Variants in GRID2 observed in about 807,000 individuals in gnomAD.
GRID2 encodes glutamate ionotropic receptor delta type subunit 2, also known as glutamate receptor ionotropic, delta-2.
Under a neutral mutation model 114.8 loss-of-function variants are expected in GRID2, and 33 were observed. The ratio of observed to expected loss-of-function variants is 0.29; its 90% CI spans 0.22 to 0.38. The LOEUF is 0.38. Among genes scored for constraint, GRID2 ranks in the 10% least tolerant of loss-of-function variants. GRID2 has a pLI of 1.00. For missense variants in GRID2, 1,184 were observed against 1,257.7 expected, an observed-to-expected ratio of 0.94 and a Z score of 0.89; for synonymous variants, 505 against 449.9, an observed-to-expected ratio of 1.12 and a Z score of -1.55.
chr4:92,621,589 A>T (rs565259712), intron 2 of GRID2, among the ~76,000 whole-genome samples: 31 of 151,770 alleles, frequency 2.0e-4, no homozygotes, highest in Non-Finnish European at 3.2e-4. Context: ...TGACCCCAAG[A>T]GTTCAAGGAT....
intron 1 of GRID2, among the ~76,000 whole-genome samples, chr4:92,433,951 G>A (rs1732602370): frequency 6.6e-6 from 1 of 152,118 alleles, no homozygotes; most frequent in South Asian, 2.1e-4. Context: ...CTAGAATGAG[G>A]CCAATAATGC....
rs191534691 is a variant in GRID2, at chr4:92,955,998, C to T, written c.245-128997C>T. ...CCTCACAAAGTGCTGGGATCACAGGCATGAGCCACTGCGCCTGGACTTTCT... is the reference window on the plus strand; with the variant it reads ...CCTCACAAAGTGCTGGGATCACAGGTATGAGCCACTGCGCCTGGACTTTCT... On this transcript the variant is annotated intron_variant, in intron 2 of 15. Coordinates refer to ENST00000282020, the MANE Select transcript of GRID2 (RefSeq NM_001510.4). Among the ~76,000 whole-genome samples the T allele has an allele frequency of 3.9e-5, 6 of 152,254 alleles. No homozygotes were observed. In the East Asian group the frequency reaches 1.2e-3, roughly 29 times the overall value.
intron 2 of GRID2, among the ~76,000 whole-genome samples, chr4:92,637,782 A>G (rs1731144171): frequency 6.6e-6 from 1 of 151,998 alleles, no homozygotes; most frequent in Non-Finnish European, 1.5e-5. Flanking sequence ...AGTAGAAAGA[A>G]TTGTATAATG....
intron 8 of GRID2, among the ~76,000 whole-genome samples, chr4:93,326,322 T>A (rs1757832641): frequency 6.6e-6 from 1 of 152,148 alleles, no homozygotes; most frequent in Non-Finnish European, 1.5e-5. Context: ...AGATACCTTA[T>A]CCTCAAGAAG....
chr4:93,049,191 A>C (rs1726449543), intron 2 of GRID2, among the ~76,000 whole-genome samples: 1 of 152,092 alleles, frequency 6.6e-6, no homozygotes, highest in Non-Finnish European at 1.5e-5. Context: ...ATAGCATGTA[A>C]ATTATTATTC....
At chr4:92,712,716 G>A (rs957708050) in intron 2 of GRID2, among the ~76,000 whole-genome samples, 2 of 152,162 alleles carry the variant, frequency 1.3e-5, no homozygotes, top group South Asian at 4.1e-4. Context: ...TATGTTAAAT[G>A]AAATATGCAA....
chr4:93,755,198 T>A (rs939181499), intron 14 of GRID2, among the ~76,000 whole-genome samples: 2 of 152,192 alleles, frequency 1.3e-5, no homozygotes, highest in South Asian at 2.1e-4. Context: ...TTGGTAAATT[T>A]TCTTTCGAAT....
At chr4:92,485,646 C>T (rs1467597718) in intron 1 of GRID2, among the ~76,000 whole-genome samples, 1 of 151,564 alleles carries the variant, frequency 6.6e-6, no homozygotes, top group Non-Finnish European at 1.5e-5. Context: ...GCTGAGATTG[C>T]ACCACTGCAC....
chr4:93,301,443 A>T (rs1159330952), intron 8 of GRID2, among the ~76,000 whole-genome samples: 1 of 152,194 alleles, frequency 6.6e-6, no homozygotes, highest in East Asian at 1.9e-4. Flanking sequence ...AGTTAACATG[A>T]AGAACAACAT....
intron 4 of GRID2, among the ~76,000 whole-genome samples, chr4:93,189,499 G>A (rs1740763755): frequency 6.6e-6 from 1 of 152,084 alleles, no homozygotes; most frequent in Non-Finnish European, 1.5e-5. Flanking sequence ...TCATGACTAG[G>A]TTTCAACACA....
At chr4:92,556,325 T>C (rs1726848045) in intron 1 of GRID2, among the ~76,000 whole-genome samples, 1 of 152,160 alleles carries the variant, frequency 6.6e-6, no homozygotes. Context: ...AATTAAAAAT[T>C]TGAAATCAAA....
At position 93,635,161 on chromosome 4, in the gene GRID2, C is replaced by CT. The variant is rs1003105474; in HGVS notation, c.2360+8734dup. Among the ~76,000 whole-genome samples the CT allele has an allele frequency of 9.2e-5, 14 of 151,468 alleles. No individual in the cohort carries two copies. The East Asian group carries it at 1.4e-3, about 15-fold the overall frequency. On this transcript the variant is annotated intron_variant, in intron 14 of 15. Transcript: ENST00000282020. ...TTCTTCTCTCTCACAATACATCAGA[C>CT]TTTTTTTTAATTTATATATATGTTT... is the stretch of plus-strand genomic sequence containing the variant.
rs569721744 is a variant in GRID2, at chr4:92,761,291, A to G, written c.244+171005A>G. Reference sequence around the variant, plus strand: ...AGAAGTTGTGATTAAGTCCTTTTGCATAGGTTGTTACAACAGGGAACTATT... The same window carrying G: ...AGAAGTTGTGATTAAGTCCTTTTGCGTAGGTTGTTACAACAGGGAACTATT... On this transcript the variant is annotated intron_variant, in intron 2 of 15. Coordinates refer to ENST00000282020, the MANE Select transcript of GRID2 (RefSeq NM_001510.4). Among the ~76,000 whole-genome samples, 37 of 152,286 alleles carry G rather than the reference A, an allele frequency of 2.4e-4. No individual in the cohort carries two copies. The South Asian group carries it at 7.5e-3, about 31-fold the overall frequency.
At chr4:93,102,546 C>T (rs1333460898) in intron 3 of GRID2, among the ~76,000 whole-genome samples, 1 of 151,818 alleles carries the variant, frequency 6.6e-6, no homozygotes, top group Non-Finnish European at 1.5e-5. Flanking sequence ...AGTACTATCC[C>T]TTAAAAAATT....
intron 8 of GRID2, among the ~76,000 whole-genome samples, chr4:93,359,941 A>T (rs559372950): frequency 2.4e-4 from 35 of 144,934 alleles, no homozygotes; most frequent in African/African-American, 8.4e-4. Flanking sequence ...TTGAAGCATC[A>T]CTTCTTTTAT....
chr4:92,781,236 A>G (rs1264473190), intron 2 of GRID2, among the ~76,000 whole-genome samples: 2 of 151,992 alleles, frequency 1.3e-5, no homozygotes, highest in African/African-American at 4.8e-5. Context: ...ACAGAGCAAG[A>G]CTCCCTCTCA....
At chr4:93,380,569 T>C (rs1406614999) in intron 8 of GRID2, among the ~76,000 whole-genome samples, 12 of 151,718 alleles carry the variant, frequency 7.9e-5, no homozygotes. Flanking sequence ...GAAATGTCTA[T>C]CTGAGTTGCA....
intron 1 of GRID2, among the ~76,000 whole-genome samples, chr4:92,456,795 C>G (rs1721238229): frequency 6.6e-6 from 1 of 152,086 alleles, no homozygotes. Flanking sequence ...TCCTGGCATG[C>G]TATGATAACA....
intron 2 of GRID2, among the ~76,000 whole-genome samples, chr4:92,859,876 C>A (rs1029681466): frequency 1.3e-5 from 2 of 152,060 alleles, no homozygotes; most frequent in Non-Finnish European, 2.9e-5. Context: ...TTGTTCTGTG[C>A]ATTGTAGAAT....
Sources: allele counts gnomAD v4.1 joint callset (sites outside exome capture counted in the v4.1 genomes callset), GRCh38; gene constraint gnomAD v4.1.1; transcripts MANE v1.5; gene names NCBI Gene and HGNC (gene_info 2026-07-23, HGNC 2026-07-21).